The following DOP1B variants were observed in gnomAD, a reference collection of about 807,000 sequenced individuals.
The protein encoded by DOP1B is DOP1 leucine zipper like protein B, also known as protein DOP1B.
Under a neutral mutation model 233.5 loss-of-function variants are expected in DOP1B, and 174 were observed. The ratio of observed to expected loss-of-function variants is 0.75; its 90% CI spans 0.66 to 0.85. The LOEUF is 0.85. Ranked by LOEUF, DOP1B falls within the 40% of genes least tolerant of loss-of-function variation. The pLI, the probability that DOP1B is intolerant of heterozygous loss-of-function variation, is 0.00. For synonymous variants in DOP1B, 1,190 were observed against 1,185.6 expected (o/e 1.00, Z -0.08); for missense variants, 2,652 against 2,846.6 (o/e 0.93, Z 1.56).
chr21:36,225,588 T>C lies in DOP1B; in HGVS notation c.1394T>C (p.Val465Ala), dbSNP rs1233896245. 1 of 1,614,124 alleles carries C rather than the reference T, an allele frequency of 6.2e-7. No homozygotes were observed. Reference sequence around the variant, plus strand: ...AGACCAGTGAAGCAGCGTTACAGCGTGAGGAACAGCGTCAGCCCTCCCCCC... The same window carrying C: ...AGACCAGTGAAGCAGCGTTACAGCGCGAGGAACAGCGTCAGCCCTCCCCCC... The part of the protein sequence containing the change: ...CFRPVKQRYS[V>A]RNSVSPPPTV... The change falls in exon 12 of 37, where the codon GTG becomes GCG. Residue 465 changes from valine to alanine, a missense_variant. Physicochemically the swap from Val to Ala is moderately conservative, Grantham distance 64. Transcript: ENST00000691173.
At chr21:36,157,626 C>T (rs1453360656) in intron 1 of DOP1B, among the ~76,000 whole-genome samples, 1 of 152,218 alleles carries the variant, frequency 6.6e-6, no homozygotes, top group African/African-American at 2.4e-5. Context: ...CCCCCCGGCC[C>T]CACAAGTCTG....
intron 17 of DOP1B, 145 bp downstream of exon 17, chr21:36,238,846 T>C: frequency 1.3e-6 from 1 of 765,592 alleles, no homozygotes; most frequent in Non-Finnish European, 2.2e-6. Context: ...CTCACGCCTG[T>C]AATCCCAGCC....
chr21:36,256,512 G>A (rs1402596425), intron 23 of DOP1B, among the ~76,000 whole-genome samples: 2 of 152,176 alleles, frequency 1.3e-5, no homozygotes, highest in Non-Finnish European at 2.9e-5. Flanking sequence ...AGGTGTTTGT[G>A]TACCGATGTT....
chr21:36,218,979 AAC>A (rs1404990544), intron 9 of DOP1B, among the ~76,000 whole-genome samples: 1 of 152,200 alleles, frequency 6.6e-6, no homozygotes, highest in Non-Finnish European at 1.5e-5. Flanking sequence ...ATGCACACTT[AAC>A]ACACGTAGTC....
rs775748005 is a variant in DOP1B, at chr21:36,278,282, C to T, written c.5896C>T (p.Arg1966Ter). The change falls in exon 30 of 37, where the codon CGA becomes TGA. Residue 1966 changes from arginine (R) to a stop codon, truncating the protein, a stop_gained. Transcript: ENST00000691173. LOFTEE classifies it high-confidence loss of function. ...SSLSGYAYTK[R>*]AWRKEVLELF... ...CCTGAGTGGCTATGCCTACACAAAG[C>T]GAGCCTGGAGGAAGGAGGTCCTGGA... 1.5e-5 allele frequency: 24 copies of T among 1,613,960 alleles called. No individual in the cohort carries two copies. Among genetic ancestry groups the T allele is most frequent in the Admixed American group, 8.3e-5 (5 of 59,970 alleles).
chr21:36,241,880 T>G (rs958394480), intron 18 of DOP1B, among the ~76,000 whole-genome samples: 8 of 150,902 alleles, frequency 5.3e-5, no homozygotes, highest in African/African-American at 1.9e-4. Context: ...ACCCATTAGC[T>G]AAGTAAGCAG....
At chr21:36,252,743 C>A (rs908776357) in intron 22 of DOP1B, among the ~76,000 whole-genome samples, 4 of 152,094 alleles carry the variant, frequency 2.6e-5, no homozygotes, top group African/African-American at 9.7e-5. Context: ...AACTCCTGAC[C>A]TCGTGATCCG....
At chr21:36,254,984 C>CT (rs1956596846) in intron 23 of DOP1B, among the ~76,000 whole-genome samples, 1 of 142,454 alleles carries the variant, frequency 7.0e-6, no homozygotes, top group Admixed American at 7.3e-5. Context: ...CAGTTTCACT[C>CT]TGTCACCCAG....
intron 1 of DOP1B, among the ~76,000 whole-genome samples, chr21:36,163,017 G>A (rs1465278027): frequency 6.6e-6 from 1 of 152,082 alleles, no homozygotes; most frequent in Non-Finnish European, 1.5e-5. Context: ...GGTAAAGTGA[G>A]GAAACAGAAA....
intron 17 of DOP1B, 52 bp downstream of exon 17, chr21:36,238,753 G>A (rs906574002): frequency 3.2e-6 from 5 of 1,575,612 alleles, no homozygotes; most frequent in Non-Finnish European, 3.5e-6. Context: ...AAACTCCACA[G>A]AGGTGCCTGC....
chr21:36,159,966 G>A (rs1037885343), intron 1 of DOP1B, among the ~76,000 whole-genome samples: 1 of 152,062 alleles, frequency 6.6e-6, no homozygotes. Flanking sequence ...ATGTATTTAG[G>A]TACTTCCACT....
intron 2 of DOP1B, among the ~76,000 whole-genome samples, chr21:36,180,233 C>A (rs1445867880): frequency 6.6e-6 from 1 of 152,162 alleles, no homozygotes; most frequent in Non-Finnish European, 1.5e-5. Flanking sequence ...CACACTTGGG[C>A]CCTTCCATAT....
chr21:36,249,864 G>A (rs558859501), intron 21 of DOP1B, among the ~76,000 whole-genome samples: 14 of 152,198 alleles, frequency 9.2e-5, no homozygotes, highest in African/African-American at 2.9e-4. Flanking sequence ...ACATTCTGTC[G>A]GTTCCTAGGG....
chr21:36,204,277 TAA>T (rs1341539114), intron 4 of DOP1B, among the ~76,000 whole-genome samples: 1 of 152,216 alleles, frequency 6.6e-6, no homozygotes, highest in African/African-American at 2.4e-5. Context: ...AACCCTGGCT[TAA>T]AGAGTTGAAA....
intron 32 of DOP1B, among the ~76,000 whole-genome samples, chr21:36,283,923 C>T (rs1359710728): frequency 6.7e-6 from 1 of 149,004 alleles, no homozygotes; most frequent in Non-Finnish European, 1.5e-5. Flanking sequence ...AGTCTAAGAG[C>T]AGACACCTGT....
intron 2 of DOP1B, among the ~76,000 whole-genome samples, chr21:36,181,248 G>A (rs1370853542): frequency 6.6e-6 from 1 of 151,628 alleles, no homozygotes; most frequent in Non-Finnish European, 1.5e-5. Context: ...CTTCTACACG[G>A]TCATTCCAGA....
At chr21:36,259,205 T>C (rs959861388) in intron 23 of DOP1B, among the ~76,000 whole-genome samples, 2 of 151,864 alleles carry the variant, frequency 1.3e-5, no homozygotes, top group Admixed American at 1.3e-4. Context: ...GACCACGTGA[T>C]CCACCCGCCT....
At chr21:36,285,127 T>G (rs2067467522) in intron 32 of DOP1B, among the ~76,000 whole-genome samples, 1 of 152,134 alleles carries the variant, frequency 6.6e-6, no homozygotes, top group African/African-American at 2.4e-5. Context: ...TGGCACAATC[T>G]TGGCTCACTG....
chr21:36,250,535 C>T (rs571473236), intron 21 of DOP1B, among the ~76,000 whole-genome samples: 3 of 152,106 alleles, frequency 2.0e-5, no homozygotes, highest in Non-Finnish European at 2.9e-5. Context: ...GATTTAACTA[C>T]GGTGGGCACT....
Sources: allele counts gnomAD v4.1 joint callset (sites outside exome capture counted in the v4.1 genomes callset), GRCh38; gene constraint gnomAD v4.1.1; transcripts MANE v1.5; gene names NCBI Gene and HGNC (gene_info 2026-07-23, HGNC 2026-07-21).